The following KIRREL3 variants were observed in gnomAD, a reference collection of about 807,000 sequenced individuals.
KIRREL3 encodes kirre like nephrin family adhesion molecule 3.
A neutral mutation model predicts 89.7 loss-of-function variants in KIRREL3; 36 were observed. The observed-to-expected ratio is 0.40, with a 90% confidence interval of 0.31 to 0.53. The LOEUF (loss-of-function observed/expected upper bound fraction) is 0.53, where lower values mean the gene tolerates loss of function less well. Among genes scored for constraint, KIRREL3 ranks in the 20% least tolerant of loss-of-function variants. The pLI is 0.49. For missense variants in KIRREL3, 864 were observed against 1,056.6 expected, an observed-to-expected ratio of 0.82 and a Z score of 2.53; for synonymous variants, 445 against 441.4, an observed-to-expected ratio of 1.01 and a Z score of -0.10.
chr11:126,915,535 A>T (rs1947003429), intron 1 of KIRREL3, among the ~76,000 whole-genome samples: 1 of 152,198 alleles, frequency 6.6e-6, no homozygotes, highest in South Asian at 2.1e-4. Flanking sequence ...GAATTCAGGC[A>T]TCATAGGCTT....
intron 1 of KIRREL3, among the ~76,000 whole-genome samples, chr11:126,951,772 T>C (rs1948780098): frequency 6.6e-6 from 1 of 152,118 alleles, no homozygotes; most frequent in Non-Finnish European, 1.5e-5. Flanking sequence ...AACCAAGCCT[T>C]TGAGTGACAG....
rs1950308890 is a variant in KIRREL3 at position 126,780,966 on chromosome 11, T to C, written c.56-218054A>G. ...CATAGATGCTAAATAAAAGTTTGTA[T>C]TTTCTCCCTGGATACAGCTAGCAGC... is the stretch of plus-strand genomic sequence containing the variant. On this transcript the variant is annotated intron_variant, in intron 1 of 16. Coordinates refer to ENST00000525144, the MANE Select transcript of KIRREL3 (RefSeq NM_032531.4). The surrounding 1 kb of genome is among the most constrained non-coding windows in gnomAD (Gnocchi z 5.3). Among the ~76,000 whole-genome samples, 1 of 152,190 alleles carries C rather than the reference T, an allele frequency of 6.6e-6. No individual in the cohort carries two copies. Among genetic ancestry groups the C allele is most frequent in the African/African-American group, 2.4e-5 (1 of 41,446 alleles).
At chr11:126,854,141 T>TGTGTGTGC (rs1231228137) in intron 1 of KIRREL3, among the ~76,000 whole-genome samples, 2 of 151,544 alleles carry the variant, frequency 1.3e-5, no homozygotes, top group Non-Finnish European at 2.9e-5. Context: ...TGTGTGTGTG[T>TGTGTGTGC]GTGTGTGTGT....
chr11:126,459,532 G>A lies in KIRREL3; in HGVS notation c.743-3078C>T, dbSNP rs1275838414. Among the ~76,000 whole-genome samples the A allele has an allele frequency of 6.6e-6, 1 of 152,156 alleles. No homozygotes were observed. The highest frequency in any genetic ancestry group is 1.5e-5 in the Non-Finnish European group (1 of 68,036). On this transcript the variant is annotated intron_variant, in intron 6 of 16. Coordinates refer to ENST00000525144, the MANE Select transcript of KIRREL3 (RefSeq NM_032531.4). The surrounding 1 kb of genome is among the most constrained non-coding windows in gnomAD (Gnocchi z 4.8). ...TGGTGTACAGAATATACATTTTCAGGAGTCTGCCAAGCTCCAGAGGTATAA... is the reference window on the plus strand; with the variant it reads ...TGGTGTACAGAATATACATTTTCAGAAGTCTGCCAAGCTCCAGAGGTATAA...
chr11:126,424,327 C>G lies in KIRREL3; in HGVS notation c.*253G>C, dbSNP rs1954842384. ...AGGAAAGGGCCGGGGACACGGGTGT[C>G]CAGCACTAAGCACAGCGCACTCAGC... On this transcript the variant is annotated 3_prime_UTR_variant, in exon 17 of 17. Transcript: ENST00000525144. 1 of 561,958 alleles carries G rather than the reference C, an allele frequency of 1.8e-6. No homozygotes were observed. Among genetic ancestry groups the G allele is most frequent in the Non-Finnish European group, 3.2e-6 (1 of 313,792 alleles). The allele number at this position is 561,958 out of a possible 1,614,324, so 34.8% of individuals were successfully genotyped here.
chr11:126,937,825 G>T (rs1294594837), intron 1 of KIRREL3, among the ~76,000 whole-genome samples: 4 of 152,212 alleles, frequency 2.6e-5, no homozygotes, highest in Non-Finnish European at 5.9e-5. Flanking sequence ...TGTGAACCAA[G>T]GAGGCGGAGC....
intron 1 of KIRREL3, among the ~76,000 whole-genome samples, chr11:126,726,273 C>G (rs778086069): frequency 4.6e-5 from 7 of 152,208 alleles, no homozygotes; most frequent in Non-Finnish European, 1.0e-4. Flanking sequence ...TGAAAGATCT[C>G]TGACATATTT....
chr11:126,759,044 C>T (rs1479609550), intron 1 of KIRREL3, among the ~76,000 whole-genome samples: 4 of 152,096 alleles, frequency 2.6e-5, no homozygotes, highest in African/African-American at 9.7e-5. Context: ...TCATGTACAC[C>T]CCAGGGAGTC....
intron 1 of KIRREL3, among the ~76,000 whole-genome samples, chr11:126,937,691 A>G (rs1350483648): frequency 6.6e-6 from 1 of 152,144 alleles, no homozygotes; most frequent in Non-Finnish European, 1.5e-5. Context: ...CGAGGTCAGG[A>G]GATCAAGACC....
intron 1 of KIRREL3, among the ~76,000 whole-genome samples, chr11:126,925,812 C>T (rs1286217335): frequency 1.3e-5 from 2 of 152,230 alleles, no homozygotes; most frequent in African/African-American, 4.8e-5. Context: ...AGCCCAGGTA[C>T]CGGCCTTCTC....
intron 1 of KIRREL3, among the ~76,000 whole-genome samples, chr11:126,698,491 C>A (rs1209436080): frequency 2.0e-5 from 3 of 152,174 alleles, no homozygotes; most frequent in Non-Finnish European, 4.4e-5. Flanking sequence ...TCTGGAGAGA[C>A]GACAGGTCAG....
chr11:126,822,049 A>G (rs755269024), intron 1 of KIRREL3, among the ~76,000 whole-genome samples: 1 of 152,196 alleles, frequency 6.6e-6, no homozygotes, highest in Non-Finnish European at 1.5e-5. Context: ...TACAGCAACA[A>G]TGGGAAGCAA....
At chr11:126,856,853 A>G (rs899934761) in intron 1 of KIRREL3, among the ~76,000 whole-genome samples, 5 of 152,102 alleles carry the variant, frequency 3.3e-5, no homozygotes, top group African/African-American at 1.2e-4. Context: ...TCGGCCTCCC[A>G]AAGTGCTGGG....
intron 1 of KIRREL3, among the ~76,000 whole-genome samples, chr11:126,646,555 A>G (rs1181354793): frequency 6.7e-6 from 1 of 150,366 alleles, no homozygotes; most frequent in Non-Finnish European, 1.5e-5. Context: ...GCTCACTGCA[A>G]ACTTCAACTC....
Position 126,574,392 on chromosome 11 carries a change from C to T in KIRREL3, c.56-11480G>A, listed in dbSNP as rs1941142110. ...CTTCTCTTTAATGATAACCTTTCAG[C>T]AGTGAGTGGGCAAAGGAGAGCATGA... On this transcript the variant is annotated intron_variant, in intron 1 of 16. Coordinates refer to ENST00000525144, the MANE Select transcript of KIRREL3 (RefSeq NM_032531.4). This position sits in a 1 kb window ranked among gnomAD's most constrained non-coding sequence, Gnocchi z 5.3. Among the ~76,000 whole-genome samples, 1 of 152,158 alleles carries T rather than the reference C, an allele frequency of 6.6e-6. No homozygotes were observed. Among genetic ancestry groups the T allele is most frequent in the Non-Finnish European group, 1.5e-5 (1 of 68,030 alleles).
rs535209764 is a variant in KIRREL3 at position 126,476,869 on chromosome 11, A to G, written c.434-3403T>C. Among the ~76,000 whole-genome samples the G allele has an allele frequency of 7.7e-4, 117 of 152,202 alleles. 1 individual carries two copies. The highest frequency in any genetic ancestry group is 7.6e-3 in the Admixed American group (117 of 15,306). ...CCCGCTTGGAGATGTATTATTCATC[A>G]CCCCCTCGCAGGATTGGTTATTATC... On this transcript the variant is annotated intron_variant, in intron 4 of 16. Transcript: ENST00000525144. The surrounding 1 kb of genome is among the most constrained non-coding windows in gnomAD (Gnocchi z 6.4).
intron 2 of KIRREL3, among the ~76,000 whole-genome samples, chr11:126,545,864 G>A (rs940167967): frequency 6.6e-6 from 1 of 152,198 alleles, no homozygotes; most frequent in Non-Finnish European, 1.5e-5. Flanking sequence ...CCCCACTGGC[G>A]CTGCAGAAGT....
chr11:126,972,420 C>G (rs1949452011), intron 1 of KIRREL3, among the ~76,000 whole-genome samples: 1 of 152,086 alleles, frequency 6.6e-6, no homozygotes, highest in Non-Finnish European at 1.5e-5. Context: ...TCCCTTGCAG[C>G]TAGAGTGCAA....
chr11:126,854,253 T>G (rs1322217818), intron 1 of KIRREL3, among the ~76,000 whole-genome samples: 1 of 152,084 alleles, frequency 6.6e-6, no homozygotes, highest in African/African-American at 2.4e-5. Flanking sequence ...ATAAAATTTA[T>G]GATTTAAACT....
Sources: allele counts gnomAD v4.1 joint callset (sites outside exome capture counted in the v4.1 genomes callset), GRCh38; gene constraint gnomAD v4.1.1; non-coding constraint Gnocchi (gnomAD v3.1); transcripts MANE v1.5; gene names NCBI Gene and HGNC (gene_info 2026-07-23, HGNC 2026-07-21).